Variants in BRDT observed in about 807,000 individuals in gnomAD.
The protein encoded by BRDT is bromodomain testis-specific protein.
In BRDT, 77 loss-of-function variants were observed where a neutral mutation model predicts 113.9. That is an observed-to-expected ratio of 0.68 (90% CI 0.56 to 0.82). The LOEUF (loss-of-function observed/expected upper bound fraction) is 0.82, where lower values mean the gene tolerates loss of function less well. Ranked by LOEUF, BRDT falls within the 40% of genes least tolerant of loss-of-function variation. BRDT has a pLI of 0.00. For synonymous variants in BRDT, 358 were observed against 366.5 expected, an observed-to-expected ratio of 0.98 and a Z score of 0.26; for missense variants, 1,027 against 1,105.4, an observed-to-expected ratio of 0.93 and a Z score of 1.01.
rs1570537663 is a variant in BRDT at position 91,980,663 on chromosome 1, G to C, written c.1308G>C (p.Gln436His). 2 of 1,583,946 alleles carry C rather than the reference G, an allele frequency of 1.3e-6. No homozygotes were observed. Among genetic ancestry groups the C allele is most frequent in the Non-Finnish European group, 8.5e-7 (1 of 1,172,706 alleles). The change falls in exon 9 of 19, where the codon CAG becomes CAC. Residue 436 changes from glutamine (Q) to histidine (H), a missense_variant. Gln to His is a conservative substitution (Grantham distance 24, BLOSUM62 0). Transcript: ENST00000399546. ...LQEQLKAVHQQLQVLSQVPFR... is the reference protein window; with the variant it reads ...LQEQLKAVHQHLQVLSQVPFR... ...ATCAGCTTAAAGCTGTACATCAACA[G>C]CTCCAGGTTTTGTCCCAAGTACCTT...
At chr1:91,960,790 C>T (rs1352543129) in intron 1 of BRDT, among the ~76,000 whole-genome samples, 3 of 152,160 alleles carry the variant, frequency 2.0e-5, no homozygotes, top group Non-Finnish European at 2.9e-5. Context: ...TAAGTGTTAA[C>T]ACTGGTCTCT....
chr1:91,984,247 C>G (rs1198609939), intron 12 of BRDT, among the ~76,000 whole-genome samples: 1 of 151,832 alleles, frequency 6.6e-6, no homozygotes, highest in East Asian at 1.9e-4. Context: ...TTCTAATGTT[C>G]TAAATATCAA....
chr1:91,968,911 A>ATTATTTATTTATTTATTTATTTAT (rs141543100), intron 4 of BRDT, among the ~76,000 whole-genome samples: 1 of 147,698 alleles, frequency 6.8e-6, no homozygotes, highest in African/African-American at 2.5e-5. Flanking sequence ...TATCAGGAAA[A>ATTATTTATTTATTTATTTATTTAT]TTATTTATTT....
At chr1:91,984,223 C>T (rs1280054889) in intron 12 of BRDT, among the ~76,000 whole-genome samples, 20 of 150,972 alleles carry the variant, frequency 1.3e-4, no homozygotes, top group Non-Finnish European at 2.4e-4. Flanking sequence ...TTTTTTTTTG[C>T]CTTTCTCCAC....
chr1:91,962,038 G>A (rs374520309), intron 1 of BRDT, among the ~76,000 whole-genome samples: 2 of 149,196 alleles, frequency 1.3e-5, no homozygotes, highest in Non-Finnish European at 3.0e-5. Flanking sequence ...CCAGCTACTC[G>A]GGAGGCGGAG....
intron 6 of BRDT, among the ~76,000 whole-genome samples, chr1:91,977,689 G>A (rs1457980888): frequency 2.1e-5 from 3 of 145,826 alleles, no homozygotes; most frequent in Admixed American, 6.9e-5. Context: ...TGGCCATGGC[G>A]AAACTTCGTC....
chr1:91,968,236 G>A lies in BRDT; in HGVS notation c.421G>A (p.Gly141Ser), dbSNP rs748572833. The A allele has an allele frequency of 1.2e-6, 2 of 1,613,988 alleles. No individual in the cohort carries two copies. Among genetic ancestry groups the A allele is most frequent in the South Asian group, 1.1e-5 (1 of 91,068 alleles). Reference sequence around the variant, plus strand: ...GATGCCACAAGAAGAGCAAGTTGTGGGTGTTAAGGAAAGAATCAAGAAAGG... The same window carrying A: ...GATGCCACAAGAAGAGCAAGTTGTGAGTGTTAAGGAAAGAATCAAGAAAGG... ...SQMPQEEQVV[G>S]VKERIKKGTQ... Residue 141 changes from glycine (G) to serine (S), a missense_variant, in exon 4 of 19, where the codon GGT becomes AGT. Coordinates refer to ENST00000399546, the MANE Select transcript of BRDT (RefSeq NM_207189.4).
chr1:91,968,107 T>C (rs565221248), intron 3 of BRDT, 39 bp from the exon 4 acceptor site: 1 of 1,600,082 alleles, frequency 6.2e-7, no homozygotes, highest in East Asian at 2.2e-5. Flanking sequence ...ACAGTGACCA[T>C]ACTGTATATC....
chr1:91,964,728 C>G lies in BRDT; in HGVS notation c.294C>G (p.Phe98Leu). The G allele has an allele frequency of 6.7e-7, 1 of 1,489,190 alleles. No homozygotes were observed. The highest frequency in any genetic ancestry group is 9.1e-7 in the Non-Finnish European group (1 of 1,097,436). The allele number at this position is 1,489,190 out of a possible 1,614,324, so 92.2% of individuals were successfully genotyped here. ...YAKASECIED[F>L]NTMFSNCYLY... is the part of the protein sequence containing the mutation. Reference sequence around the variant, plus strand: ...AGGCTTCAGAATGTATAGAAGACTTCAATACAATGTTCTCAAATTGTTATT... The same window carrying G: ...AGGCTTCAGAATGTATAGAAGACTTGAATACAATGTTCTCAAATTGTTATT... Residue 98 changes from phenylalanine to leucine, a missense_variant, in exon 3 of 19, where the codon TTC (phenylalanine) becomes TTG (leucine). By Grantham distance (22) the Phe-to-Leu change is conservative. Transcript: ENST00000399546.
intron 15 of BRDT, among the ~76,000 whole-genome samples, chr1:92,000,171 C>T (rs1215120787): frequency 6.6e-6 from 1 of 152,234 alleles, no homozygotes; most frequent in African/African-American, 2.4e-5. Flanking sequence ...AGCCAGTGCA[C>T]CCAGTCTGGT....
At position 91,978,266 on chromosome 1, in the gene BRDT, C is replaced by G; in HGVS notation, c.1068C>G (p.His356Gln). Residue 356 changes from histidine (H) to glutamine (Q), a missense_variant, in exon 7 of 19, where the codon CAC becomes CAG. Physicochemically the swap from His to Gln is conservative, Grantham distance 24. Coordinates refer to ENST00000399546, the MANE Select transcript of BRDT (RefSeq NM_207189.4). The part of the protein sequence containing the change: ...MNCYKYNPPD[H>Q]EVVTMARMLQ... ...GCTACAAGTACAATCCTCCAGATCA[C>G]GAAGTTGTGACAATGGCAAGAATGC... The G allele has an allele frequency of 6.2e-7, 1 of 1,614,044 alleles. No individual in the cohort carries two copies. Among genetic ancestry groups the G allele is most frequent in the African/African-American group, 1.3e-5 (1 of 75,048 alleles).
At chr1:91,961,306 A>G (rs1682418145) in intron 1 of BRDT, among the ~76,000 whole-genome samples, 3 of 152,060 alleles carry the variant, frequency 2.0e-5, no homozygotes, top group Admixed American at 2.0e-4. Flanking sequence ...GTGAGACTCC[A>G]TCTCAAAAAA....
At chr1:91,980,235 T>C (rs1684581297) in intron 8 of BRDT, among the ~76,000 whole-genome samples, 1 of 152,154 alleles carries the variant, frequency 6.6e-6, no homozygotes, top group Non-Finnish European at 1.5e-5. Flanking sequence ...AGTGAGACCA[T>C]GTCTCTACAA....
chr1:91,953,924 AT>A (rs926071919), intron 1 of BRDT, among the ~76,000 whole-genome samples: 285 of 148,156 alleles, frequency 1.9e-3, no homozygotes, highest in Middle Eastern at 6.9e-3. Context: ...CTCATGATAC[AT>A]TTTTTTTTTT....
At chr1:92,011,350 A>G (rs1479052234) in intron 18 of BRDT, among the ~76,000 whole-genome samples, 1 of 152,250 alleles carries the variant, frequency 6.6e-6, no homozygotes, top group African/African-American at 2.4e-5. Context: ...AGCTAATGCA[A>G]CTAAGGAACT....
chr1:91,979,705 C>T lies in BRDT; in HGVS notation c.1235C>T (p.Ser412Phe). Residue 412 changes from serine (S) to phenylalanine (F), a missense_variant, in exon 8 of 19, where the codon TCT (serine) becomes TTT (phenylalanine). By Grantham distance (155) the Ser-to-Phe change is radical. Coordinates refer to ENST00000399546, the MANE Select transcript of BRDT (RefSeq NM_207189.4). ...TNEASSEGNS[S>F]DDSEDERVKR... ...GAAGCCTCCTCTGAAGGGAACTCTT[C>T]TGATGATTCTGAAGATGAGCGAGTT... is the stretch of plus-strand genomic sequence containing the variant. The T allele has an allele frequency of 6.2e-7, 1 of 1,613,246 alleles. No individual in the cohort carries two copies. Among genetic ancestry groups the T allele is most frequent in the Non-Finnish European group, 8.5e-7 (1 of 1,179,850 alleles).
intron 1 of BRDT, among the ~76,000 whole-genome samples, chr1:91,954,126 C>T (rs910034576): frequency 1.3e-5 from 2 of 152,000 alleles, no homozygotes; most frequent in East Asian, 1.9e-4. Flanking sequence ...CATGTGACAC[C>T]ACACCTGGCA....
chr1:91,978,665 G>A (rs1270063068), intron 7 of BRDT, among the ~76,000 whole-genome samples: 1 of 152,082 alleles, frequency 6.6e-6, no homozygotes, highest in African/African-American at 2.4e-5. Context: ...AATGGCTGCA[G>A]GTAATAGAAT....
chr1:91,955,778 G>A (rs983784915), intron 1 of BRDT, among the ~76,000 whole-genome samples: 10 of 150,402 alleles, frequency 6.6e-5, no homozygotes, highest in African/African-American at 2.4e-4. Flanking sequence ...TAGAAACCAG[G>A]GCCTCCAGCC....
Sources: allele counts gnomAD v4.1 joint callset (sites outside exome capture counted in the v4.1 genomes callset), GRCh38; gene constraint gnomAD v4.1.1; transcripts MANE v1.5; gene names NCBI Gene and HGNC (gene_info 2026-07-23, HGNC 2026-07-21).